KCNMB2: variants seen among roughly 807,000 people sequenced by gnomAD.
KCNMB2 encodes potassium calcium-activated channel subfamily M regulatory beta subunit 2, also known as calcium-activated potassium channel subunit beta-2.
Under a neutral mutation model 24.5 loss-of-function variants are expected in KCNMB2, and 9 were observed. The ratio of observed to expected loss-of-function variants is 0.37; its 90% CI spans 0.22 to 0.64. KCNMB2 has a LOEUF of 0.64. Among genes scored for constraint, KCNMB2 ranks in the 30% least tolerant of loss-of-function variants. The pLI, the probability that KCNMB2 is intolerant of heterozygous loss-of-function variation, is 0.63. For synonymous variants in KCNMB2, 109 were observed against 104.4 expected (o/e 1.04, Z -0.27); for missense variants, 226 against 284.3 (o/e 0.79, Z 1.47).
chr3:178,770,783 A>G (rs1712318353), intron 1 of KCNMB2, among the ~76,000 whole-genome samples: 1 of 152,192 alleles, frequency 6.6e-6, no homozygotes, highest in Non-Finnish European at 1.5e-5. Context: ...TCATTTAACC[A>G]CACCCACCAC....
chr3:178,564,098 T>G (rs1049015831), intron 1 of KCNMB2, among the ~76,000 whole-genome samples: 3 of 151,596 alleles, frequency 2.0e-5, no homozygotes, highest in Non-Finnish European at 2.9e-5. Flanking sequence ...ACCAACATGG[T>G]GAAAGCCCAT....
chr3:178,591,487 T>C (rs549287119), intron 1 of KCNMB2, among the ~76,000 whole-genome samples: 22 of 152,148 alleles, frequency 1.4e-4, no homozygotes, highest in Non-Finnish European at 2.8e-4. Flanking sequence ...TCCCCAAGCC[T>C]TCTCAGGAGG....
At position 178,758,091 on chromosome 3, in the gene KCNMB2, GAT is replaced by G. The variant is rs1229758729; in HGVS notation, c.-67-49240_-67-49239del. ...GAGGATATATATATATACACAAGAG[GAT>G]ATATATATATACACACAAGAGGATA... On this transcript the variant is annotated intron_variant, in intron 1 of 4. Transcript: ENST00000452583. Among the ~76,000 whole-genome samples the G allele has an allele frequency of 1.6e-4, 11 of 67,340 alleles. 1 individual carries two copies. Among genetic ancestry groups the G allele is most frequent in the African/African-American group, 5.1e-4 (8 of 15,596 alleles). The allele number at this position is 67,340 out of a possible 152,430, so 44.2% of individuals were successfully genotyped here.
intron 1 of KCNMB2, among the ~76,000 whole-genome samples, chr3:178,730,405 A>ACCCC (rs71181246): frequency 9.8e-5 from 11 of 112,212 alleles, no homozygotes; most frequent in African/African-American, 1.5e-4. Context: ...GTCCCCCAAC[A>ACCCC]CCCCCCCACA....
intron 1 of KCNMB2, among the ~76,000 whole-genome samples, chr3:178,741,974 A>G (rs771856413): frequency 6.6e-6 from 1 of 152,236 alleles, no homozygotes; most frequent in Non-Finnish European, 1.5e-5. Flanking sequence ...AATAAACATA[A>G]GCTTTAACAA....
intron 1 of KCNMB2, among the ~76,000 whole-genome samples, chr3:178,709,421 A>G (rs963607415): frequency 7.2e-5 from 11 of 152,346 alleles, no homozygotes; most frequent in African/African-American, 2.6e-4. Flanking sequence ...GTATTGAAAC[A>G]GAACCACAGA....
intron 1 of KCNMB2, among the ~76,000 whole-genome samples, chr3:178,541,050 T>A (rs1715599717): frequency 6.6e-6 from 1 of 152,170 alleles, no homozygotes; most frequent in Non-Finnish European, 1.5e-5. Context: ...AGATTCCAAG[T>A]ATAAGATTTT....
intron 1 of KCNMB2, among the ~76,000 whole-genome samples, chr3:178,625,341 CA>C (rs1297626563): frequency 1.3e-5 from 2 of 152,182 alleles, no homozygotes; most frequent in Admixed American, 1.3e-4. Flanking sequence ...TGGACCCCCC[CA>C]CCCCAACTAA....
chr3:178,587,623 T>C (rs1232925564), intron 1 of KCNMB2, among the ~76,000 whole-genome samples: 2 of 150,978 alleles, frequency 1.3e-5, no homozygotes, highest in Non-Finnish European at 3.0e-5. Context: ...TTTTTGTATT[T>C]TTAGTAGAGA....
intron 1 of KCNMB2, among the ~76,000 whole-genome samples, chr3:178,620,080 T>C (rs948481929): frequency 1.4e-4 from 21 of 152,170 alleles, no homozygotes; most frequent in Admixed American, 6.5e-5. Flanking sequence ...ACTTATTCTA[T>C]GGAAAAAGAA....
intron 1 of KCNMB2, among the ~76,000 whole-genome samples, chr3:178,624,613 T>TAA (rs1418548649): frequency 6.7e-5 from 10 of 148,402 alleles, no homozygotes; most frequent in African/African-American, 2.3e-4. Flanking sequence ...TTTTTTTTTT[T>TAA]AAAAAAGGCA....
intron 1 of KCNMB2, among the ~76,000 whole-genome samples, chr3:178,636,264 G>C (rs1221216747): frequency 6.6e-6 from 1 of 152,202 alleles, no homozygotes; most frequent in Non-Finnish European, 1.5e-5. Context: ...AATGGGAGGG[G>C]AGTGAGGGAT....
chr3:178,709,373 A>T (rs1559983872), intron 1 of KCNMB2, among the ~76,000 whole-genome samples: 1 of 152,184 alleles, frequency 6.6e-6, no homozygotes. Context: ...GCTCTAGGGA[A>T]GTCTTGAATT....
chr3:178,569,870 T>C (rs904520830), intron 1 of KCNMB2, among the ~76,000 whole-genome samples: 2 of 152,188 alleles, frequency 1.3e-5, no homozygotes, highest in African/African-American at 4.8e-5. Flanking sequence ...CTCCTTCAAC[T>C]TATATCTGTT....
intron 1 of KCNMB2, among the ~76,000 whole-genome samples, chr3:178,792,397 C>G (rs1440039226): frequency 2.0e-5 from 3 of 151,614 alleles, no homozygotes; most frequent in Non-Finnish European, 2.9e-5. Context: ...AACCTCAAAT[C>G]AAAAAACCTA....
chr3:178,836,407 C>G (rs1715231558), intron 4 of KCNMB2, among the ~76,000 whole-genome samples: 1 of 152,034 alleles, frequency 6.6e-6, no homozygotes, highest in Non-Finnish European at 1.5e-5. Flanking sequence ...AAAGGATGAT[C>G]AGAAGACATT....
intron 1 of KCNMB2, among the ~76,000 whole-genome samples, chr3:178,758,241 GAT>G (rs1240258181): frequency 2.3e-4 from 1 of 4,426 alleles, no homozygotes; most frequent in Non-Finnish European, 3.7e-4. Flanking sequence ...TATCCAAGGG[GAT>G]ATATATATAT....
intron 1 of KCNMB2, among the ~76,000 whole-genome samples, chr3:178,760,796 G>A (rs895677676): frequency 6.6e-6 from 1 of 151,866 alleles, no homozygotes; most frequent in Non-Finnish European, 1.5e-5. Flanking sequence ...TTTATAATCA[G>A]TTTCTTCCTT....
chr3:178,641,961 C>G (rs1284781901), intron 1 of KCNMB2, among the ~76,000 whole-genome samples: 1 of 151,462 alleles, frequency 6.6e-6, no homozygotes, highest in Non-Finnish European at 1.5e-5. Flanking sequence ...ATTTTTATAC[C>G]CTTAGTTTCT....
Sources: gnomAD v4.1 joint callset for allele counts (sites outside exome capture counted in the v4.1 genomes callset) on GRCh38, gnomAD v4.1.1 for gene constraint, MANE v1.5 for transcripts, NCBI Gene and HGNC (gene_info 2026-07-23, HGNC 2026-07-21) for gene names.